The following LRP8 variants were observed in gnomAD, a reference collection of about 807,000 sequenced individuals.
LRP8 encodes low-density lipoprotein receptor-related protein 8.
In LRP8, 46 loss-of-function variants were observed where a neutral mutation model predicts 111.6. That is an observed-to-expected ratio of 0.41 (90% confidence interval 0.33 to 0.53). LRP8 has a LOEUF of 0.53. LRP8 is among the 20% of genes least tolerant of loss of function. The pLI, the probability that LRP8 is intolerant of heterozygous loss-of-function variation, is 0.20. For missense variants in LRP8, 959 were observed against 1,297.4 expected (o/e 0.74, Z 4.01); for synonymous variants, 464 against 511.2 (o/e 0.91, Z 1.24).
Position 53,294,097 on chromosome 1 carries a change from T to TC in LRP8, c.245-4409dup, listed in dbSNP as rs1039494050. On this transcript the variant is annotated intron_variant, in intron 2 of 18. Transcript: ENST00000306052. This position sits in a 1 kb window ranked among gnomAD's most constrained non-coding sequence, Gnocchi z 4.1. ...CTACTCTGCTGGCCTTGGCTCTGGT[T>TC]CCCAGGGTGATTCCCCAGCTGGGCT... 6.6e-6 allele frequency among the ~76,000 whole-genome samples: 1 copy of TC among 152,210 alleles called. No homozygotes were observed. The highest frequency in any genetic ancestry group is 2.4e-5 in the African/African-American group (1 of 41,452).
rs1243617328 is a variant in LRP8 at position 53,276,960 on chromosome 1, G to A, written c.615C>T (p.Ala205=). The change falls in exon 5 of 19, where the codon GCC becomes GCT. Residue 205 remains alanine (A), a synonymous_variant. Transcript: ENST00000306052. ...GSDERGCADP[A]CGPREFRCGG... The stretch of plus-strand genomic sequence containing the variant: ...CGCAGCGGAACTCGCGGGGCCCGCA[G>A]GCCGGGTCTGCACAGCCGCGCTCAT... The A allele has an allele frequency of 6.7e-7, 1 of 1,484,766 alleles. No individual in the cohort carries two copies. Among genetic ancestry groups the A allele is most frequent in the East Asian group, 2.8e-5 (1 of 35,198 alleles). 92.0% of individuals were successfully genotyped at this position (1,484,766 alleles called of 1,614,324 possible).
In LRP8 at chr1:53,318,353, C is replaced by T. The variant is rs149648112; in HGVS notation, c.244+8520G>A. Among the ~76,000 whole-genome samples the T allele has an allele frequency of 7.1e-3, 1,079 of 151,784 alleles. 10 individuals carry two copies. Among genetic ancestry groups the T allele is most frequent in the African/African-American group, 0.025 (1,029 of 41,364 alleles). On this transcript the variant is annotated intron_variant, in intron 2 of 18. Transcript: ENST00000306052. Reference sequence around the variant, plus strand: ...GATATGGCTGCTTTGTCCCATGGGACCAGAATGAGGTGGCCCTGTGCTCAG... The same window carrying T: ...GATATGGCTGCTTTGTCCCATGGGATCAGAATGAGGTGGCCCTGTGCTCAG...
chr1:53,281,811 C>A (rs1039736851), intron 3 of LRP8, among the ~76,000 whole-genome samples: 1 of 152,208 alleles, frequency 6.6e-6, no homozygotes, highest in Non-Finnish European at 1.5e-5. Flanking sequence ...TAGAAGAACA[C>A]CCAGCCCAGT....
At chr1:53,306,049 G>A (rs1218102254) in intron 2 of LRP8, 2 of 152,166 alleles carry the variant, frequency 1.3e-5, no homozygotes, top group African/African-American at 4.8e-5. Context: ...AGCTTTCCAC[G>A]ACCCCATGTG....
At chr1:53,274,100 T>A (rs976710391) in intron 6 of LRP8, among the ~76,000 whole-genome samples, 5 of 152,226 alleles carry the variant, frequency 3.3e-5, no homozygotes, top group African/African-American at 1.2e-4. Context: ...CCCTGACAGC[T>A]GTAGCCGACA....
chr1:53,284,201 A>G (rs1243097265), intron 3 of LRP8, among the ~76,000 whole-genome samples: 1 of 141,242 alleles, frequency 7.1e-6, no homozygotes, highest in African/African-American at 2.7e-5. Flanking sequence ...CCGCTTACTT[A>G]CCTACTACAT....
intron 8 of LRP8, among the ~76,000 whole-genome samples, chr1:53,269,121 C>G (rs957735570): frequency 6.6e-6 from 1 of 152,194 alleles, no homozygotes; most frequent in African/African-American, 2.4e-5. Context: ...CCCAAGCCAC[C>G]TCTCTGGCTT....
chr1:53,293,449 T>C lies in LRP8; in HGVS notation c.245-3760A>G, dbSNP rs1281729617. ...CAATATCCCAGTGACTCCTCACAGC[T>C]ATCTTGGTAGCTGTTGTTATTAATC... is the stretch of plus-strand genomic sequence containing the variant. On this transcript the variant is annotated intron_variant, in intron 2 of 18. Coordinates refer to ENST00000306052, the MANE Select transcript of LRP8 (RefSeq NM_004631.5). This position sits in a 1 kb window ranked among gnomAD's most constrained non-coding sequence, Gnocchi z 4.9. Among the ~76,000 whole-genome samples the C allele has an allele frequency of 2.0e-5, 3 of 152,274 alleles. No homozygotes were observed. The highest frequency in any genetic ancestry group is 7.2e-5 in the African/African-American group (3 of 41,480).
intron 14 of LRP8, among the ~76,000 whole-genome samples, chr1:53,257,771 T>C (rs556084568): frequency 4.1e-4 from 63 of 152,348 alleles, no homozygotes; most frequent in African/African-American, 1.5e-3. Flanking sequence ...TATATTGTTA[T>C]ACCAATAGAT....
Position 53,294,421 on chromosome 1 carries a change from G to C in LRP8, c.245-4732C>G, listed in dbSNP as rs1430707110. On this transcript the variant is annotated intron_variant, in intron 2 of 18. Coordinates refer to ENST00000306052, the MANE Select transcript of LRP8 (RefSeq NM_004631.5). The surrounding 1 kb of genome is among the most constrained non-coding windows in gnomAD (Gnocchi z 4.1). ...CACGGGCCAAGGAAAGTGCCAGACA[G>C]TCCATGGTCTATCAAACTGCGCCCT... is the stretch of plus-strand genomic sequence containing the variant. 6.6e-6 allele frequency among the ~76,000 whole-genome samples: 1 copy of C among 152,208 alleles called. No homozygotes were observed. The highest frequency in any genetic ancestry group is 2.4e-5 in the African/African-American group (1 of 41,454).
Position 53,317,224 on chromosome 1 carries a change from C to T in LRP8, c.244+9649G>A, listed in dbSNP as rs971233761. ...CTGGATTCAGGCCACCAGGAAAGCC[C>T]ACCCTTGGCCTCCAGCTATTCAGTC... On this transcript the variant is annotated intron_variant, in intron 2 of 18. Coordinates refer to ENST00000306052, the MANE Select transcript of LRP8 (RefSeq NM_004631.5). This position sits in a 1 kb window ranked among gnomAD's most constrained non-coding sequence, Gnocchi z 4.9. 5.3e-5 allele frequency among the ~76,000 whole-genome samples: 8 copies of T among 152,198 alleles called. No homozygotes were observed. Among genetic ancestry groups the T allele is most frequent in the African/African-American group, 1.9e-4 (8 of 41,440 alleles).
At chr1:53,309,935 C>T (rs1652687707) in intron 2 of LRP8, among the ~76,000 whole-genome samples, 1 of 152,136 alleles carries the variant, frequency 6.6e-6, no homozygotes, top group African/African-American at 2.4e-5. Context: ...GAAGCCCAGC[C>T]CCACCCACCT....
intron 2 of LRP8, among the ~76,000 whole-genome samples, chr1:53,299,793 C>G (rs1293857215): frequency 6.6e-6 from 1 of 152,270 alleles, no homozygotes; most frequent in Non-Finnish European, 1.5e-5. Context: ...GGGCCTGGCT[C>G]TGCTCTGTGG....
chr1:53,262,193 G>A lies in LRP8; in HGVS notation c.1789C>T (p.Arg597Cys), dbSNP rs1364401690. 3 of 1,613,364 alleles carry A rather than the reference G, an allele frequency of 1.9e-6. No homozygotes were observed. Among genetic ancestry groups the A allele is most frequent in the Non-Finnish European group, 2.5e-6 (3 of 1,179,964 alleles). Residue 597 changes from arginine (R) to cysteine (C), a missense_variant, in exon 12 of 19, where the codon CGC (arginine) becomes TGC (cysteine). This residue lies in a region of LRP8 where 819 missense variants were observed against 1,097.6 expected (regional missense o/e 0.75). Transcript: ENST00000306052. The surrounding 1 kb of genome is among the most constrained non-coding windows in gnomAD (Gnocchi z 4.8). ...NGITLDLLSQRLYWVDSKLHQ... is the reference protein window; with the variant it reads ...NGITLDLLSQCLYWVDSKLHQ... ...AGCTTGGAGTCTACCCAGTACAAGC[G>A]CTGGCTCAGCAGATCTTGGGAAGGA... is the stretch of plus-strand genomic sequence containing the variant.
chr1:53,316,854 G>A (rs1653872763), intron 2 of LRP8, among the ~76,000 whole-genome samples: 1 of 152,194 alleles, frequency 6.6e-6, no homozygotes, highest in African/African-American at 2.4e-5. Flanking sequence ...AGGCTGCTGT[G>A]GCAGGGGGCA....
At chr1:53,257,727 GA>G (rs1439823107) in intron 14 of LRP8, among the ~76,000 whole-genome samples, 1 of 152,274 alleles carries the variant, frequency 6.6e-6, no homozygotes, top group Admixed American at 6.5e-5. Flanking sequence ...GTAGGGAGGG[GA>G]AATCAGATAA....
chr1:53,257,352 G>A lies in LRP8; in HGVS notation c.2322C>T (p.Ser774=). The part of the protein sequence containing the change: ...TVHRSTYQNH[S]TETPSLTAAV... ...CAGCTGTCAGGCTTGGTGTCTCTGTGCTGTGGTTCTGGTAGGTGGATCTGT... is the reference window on the plus strand; with the variant it reads ...CAGCTGTCAGGCTTGGTGTCTCTGTACTGTGGTTCTGGTAGGTGGATCTGT... The change falls in exon 15 of 19, where the codon AGC becomes AGT. Residue 774 remains serine, a synonymous_variant. Transcript: ENST00000306052. 1.2e-6 allele frequency: 2 copies of A among 1,614,158 alleles called. No homozygotes were observed. Among genetic ancestry groups the A allele is most frequent in the Non-Finnish European group, 1.7e-6 (2 of 1,180,014 alleles).
At chr1:53,298,614 C>CGAGGCCAG (rs1231063442) in intron 2 of LRP8, among the ~76,000 whole-genome samples, 3 of 152,194 alleles carry the variant, frequency 2.0e-5, no homozygotes, top group African/African-American at 7.2e-5. Flanking sequence ...GGCCAGAAGG[C>CGAGGCCAG]AAGGCCAGGA....
chr1:53,318,519 T>C (rs1654094213), intron 2 of LRP8, among the ~76,000 whole-genome samples: 1 of 152,142 alleles, frequency 6.6e-6, no homozygotes, highest in Admixed American at 6.5e-5. Flanking sequence ...ACTCAGCAGC[T>C]CCTTTCCTAA....
Sources: allele counts gnomAD v4.1 joint callset (sites outside exome capture counted in the v4.1 genomes callset), GRCh38; gene constraint gnomAD v4.1.1; regional missense constraint gnomAD v4.1.1; non-coding constraint Gnocchi (gnomAD v3.1); transcripts MANE v1.5; gene names NCBI Gene and HGNC (gene_info 2026-07-23, HGNC 2026-07-21).